The following PRDM16 variants were observed in gnomAD, a reference collection of about 807,000 sequenced individuals.
PRDM16 encodes the protein PR/SET domain 16.
Under a neutral mutation model 110.6 loss-of-function variants are expected in PRDM16, and 23 were observed. The ratio of observed to expected loss-of-function variants is 0.21; its 90% CI spans 0.15 to 0.29. PRDM16 has a LOEUF of 0.29. PRDM16 is among the 10% of genes least tolerant of loss of function. The probability of loss-of-function intolerance (pLI) is 1.00; values close to 1 mark genes in which losing one functional copy is unlikely to be tolerated. For missense variants in PRDM16, 1,615 were observed against 1,794.3 expected (o/e 0.90, Z 1.81); for synonymous variants, 799 against 781.8 (o/e 1.02, Z -0.37).
At chr1:3,128,951 G>C (rs1041334357) in intron 1 of PRDM16, among the ~76,000 whole-genome samples, 4 of 152,234 alleles carry the variant, frequency 2.6e-5, no homozygotes, top group Non-Finnish European at 5.9e-5. Flanking sequence ...CATCTGGGAA[G>C]TGGGAGCGAC....
intron 1 of PRDM16, among the ~76,000 whole-genome samples, chr1:3,083,185 C>G (rs575794672): frequency 6.6e-6 from 1 of 152,206 alleles, no homozygotes; most frequent in African/African-American, 2.4e-5. Flanking sequence ...TTAAACGTCT[C>G]GTCCGAGACC....
chr1:3,398,175 A>G (rs1643415075), intron 5 of PRDM16, among the ~76,000 whole-genome samples: 1 of 152,206 alleles, frequency 6.6e-6, no homozygotes, highest in Admixed American at 6.5e-5. Context: ...AGAGTGCTTG[A>G]CTATGGAATT....
intron 3 of PRDM16, among the ~76,000 whole-genome samples, chr1:3,282,644 G>C (rs1367394402): frequency 6.6e-6 from 1 of 152,160 alleles, no homozygotes; most frequent in Non-Finnish European, 1.5e-5. Context: ...TTGGTGTCTG[G>C]AAAAAACTCG....
At chr1:3,314,715 C>T (rs569897956) in intron 3 of PRDM16, among the ~76,000 whole-genome samples, 39 of 152,200 alleles carry the variant, frequency 2.6e-4, no homozygotes, top group African/African-American at 8.9e-4. Context: ...TCCCCCTCCT[C>T]CTCATCTCCT....
At chr1:3,094,562 G>A (rs528203697) in intron 1 of PRDM16, among the ~76,000 whole-genome samples, 4 of 152,348 alleles carry the variant, frequency 2.6e-5, no homozygotes, top group South Asian at 4.1e-4. Flanking sequence ...AGCCAGGGCC[G>A]GGACGCTATA....
Position 3,304,673 on chromosome 1 carries a change from A to C in PRDM16, c.438+60536A>C, listed in dbSNP as rs570123525. On this transcript the variant is annotated intron_variant, in intron 3 of 16. Coordinates refer to ENST00000270722, the MANE Select transcript of PRDM16 (RefSeq NM_022114.4). ...TGTGTGCATTGATGACAGCGCAAATAAGGGAGGGCAGTGTCGGTGTCTCTG... is the reference window on the plus strand; with the variant it reads ...TGTGTGCATTGATGACAGCGCAAATCAGGGAGGGCAGTGTCGGTGTCTCTG... 2.0e-4 allele frequency among the ~76,000 whole-genome samples: 31 copies of C among 152,282 alleles called. 2 individuals carry two copies. In the South Asian group the frequency reaches 6.4e-3, roughly 32 times the overall value.
At chr1:3,242,199 C>T (rs1383728953) in intron 2 of PRDM16, among the ~76,000 whole-genome samples, 2 of 152,214 alleles carry the variant, frequency 1.3e-5, no homozygotes, top group African/African-American at 2.4e-5. Flanking sequence ...GCAGGGCCCT[C>T]TCGCTGGTGG....
At chr1:3,099,005 G>T (rs995535798) in intron 1 of PRDM16, among the ~76,000 whole-genome samples, 5 of 152,250 alleles carry the variant, frequency 3.3e-5, no homozygotes, top group Admixed American at 1.3e-4. Flanking sequence ...ATCCCTGGCT[G>T]AGTAGGAGGG....
At chr1:3,153,477 C>T (rs563481770) in intron 1 of PRDM16, among the ~76,000 whole-genome samples, 28 of 152,328 alleles carry the variant, frequency 1.8e-4, no homozygotes, top group Admixed American at 4.6e-4. Context: ...CCCCACAGCG[C>T]GGTCCCCAGG....
rs1477639445 is a variant in PRDM16, at chr1:3,265,673, G to A, written c.438+21536G>A. Among the ~76,000 whole-genome samples the A allele has an allele frequency of 1.3e-5, 2 of 152,046 alleles. No homozygotes were observed. Among genetic ancestry groups the A allele is most frequent in the Non-Finnish European group, 2.9e-5 (2 of 67,986 alleles). On this transcript the variant is annotated intron_variant, in intron 3 of 16. Coordinates refer to ENST00000270722, the MANE Select transcript of PRDM16 (RefSeq NM_022114.4). This position sits in a 1 kb window ranked among gnomAD's most constrained non-coding sequence, Gnocchi z 4.5. ...GCCAAGGCCAGCCCTCTTGCCCCGGGGCTGCCTGGGTTTGTCCTGGGAAGG... is the reference window on the plus strand; with the variant it reads ...GCCAAGGCCAGCCCTCTTGCCCCGGAGCTGCCTGGGTTTGTCCTGGGAAGG...
chr1:3,332,196 G>A (rs1187113546), intron 3 of PRDM16, among the ~76,000 whole-genome samples: 1 of 152,296 alleles, frequency 6.6e-6, no homozygotes, highest in Non-Finnish European at 1.5e-5. Context: ...GGCCTGATAT[G>A]GGAGGTGCGT....
intron 3 of PRDM16, among the ~76,000 whole-genome samples, chr1:3,275,391 C>G (rs1380745694): frequency 6.6e-6 from 1 of 152,234 alleles, no homozygotes; most frequent in Non-Finnish European, 1.5e-5. Flanking sequence ...TCCTGCCTGC[C>G]TGTCTCTCCC....
chr1:3,126,562 G>A (rs1352440353), intron 1 of PRDM16, among the ~76,000 whole-genome samples: 1 of 152,160 alleles, frequency 6.6e-6, no homozygotes, highest in African/African-American at 2.4e-5. Flanking sequence ...AAAACCCAGG[G>A]GCCTGTACCC....
rs188171835 is a variant in PRDM16, at chr1:3,257,064, C to T, written c.438+12927C>T. ...GATGGGGGTGTTTTACTTGTTAATA[C>T]GTTAAGTGACGCACGTAGGGCTGTG... is the stretch of plus-strand genomic sequence containing the variant. On this transcript the variant is annotated intron_variant, in intron 3 of 16. Coordinates refer to ENST00000270722, the MANE Select transcript of PRDM16 (RefSeq NM_022114.4). Among the ~76,000 whole-genome samples, 421 of 152,190 alleles carry T rather than the reference C, an allele frequency of 2.8e-3. 4 individuals are homozygous for T. Among genetic ancestry groups the T allele is most frequent in the Non-Finnish European group, 2.8e-3 (188 of 68,012 alleles).
chr1:3,329,485 G>T (rs1165950937), intron 3 of PRDM16, among the ~76,000 whole-genome samples: 1 of 152,232 alleles, frequency 6.6e-6, no homozygotes, highest in African/African-American at 2.4e-5. Flanking sequence ...AGTGTCGGGG[G>T]CCGAGGGGTT....
intron 1 of PRDM16, among the ~76,000 whole-genome samples, chr1:3,084,836 G>C (rs369989970): frequency 6.6e-6 from 1 of 152,188 alleles, no homozygotes; most frequent in Non-Finnish European, 1.5e-5. Flanking sequence ...CGGGGGGCAG[G>C]CCAGGGAAGT....
intron 3 of PRDM16, among the ~76,000 whole-genome samples, chr1:3,247,166 G>C (rs571831097): frequency 2.2e-4 from 33 of 152,304 alleles, no homozygotes; most frequent in Non-Finnish European, 4.6e-4. Context: ...TGTGTGACCT[G>C]TGGGTGGGCA....
rs557279699 is a variant in PRDM16, at chr1:3,296,802, T to C, written c.438+52665T>C. Among the ~76,000 whole-genome samples, 3 of 152,350 alleles carry C rather than the reference T, an allele frequency of 2.0e-5. No individual in the cohort carries two copies. In the South Asian group the frequency reaches 6.2e-4, roughly 32 times the overall value. On this transcript the variant is annotated intron_variant, in intron 3 of 16. Transcript: ENST00000270722. ...TGCCATTGTTAAGTGCAGATGTTCCTGGACTTGGAATGGGGACAAGTCCCG... is the reference window on the plus strand; with the variant it reads ...TGCCATTGTTAAGTGCAGATGTTCCCGGACTTGGAATGGGGACAAGTCCCG...
chr1:3,342,041 CT>C (rs1015012136), intron 3 of PRDM16, among the ~76,000 whole-genome samples: 10 of 152,220 alleles, frequency 6.6e-5, no homozygotes, highest in African/African-American at 2.4e-4. Flanking sequence ...TTGCAGGTTG[CT>C]GGTGATCTTC....
Sources: allele counts gnomAD v4.1 joint callset (sites outside exome capture counted in the v4.1 genomes callset), GRCh38; gene constraint gnomAD v4.1.1; non-coding constraint Gnocchi (gnomAD v3.1); transcripts MANE v1.5; gene names NCBI Gene and HGNC (gene_info 2026-07-23, HGNC 2026-07-21).